The following MMP26 variants were observed in gnomAD, a reference collection of about 807,000 sequenced individuals.
MMP26 encodes the protein matrix metallopeptidase 26, also known as matrix metalloproteinase-26.
A neutral mutation model predicts 31.0 loss-of-function variants in MMP26; 33 were observed. The observed-to-expected ratio is 1.06, with a 90% CI of 0.81 to 1.42. The LOEUF (loss-of-function observed/expected upper bound fraction) is 1.42. Ranked by LOEUF, MMP26 falls within the 40% of genes most tolerant of loss-of-function variation. The probability of loss-of-function intolerance (pLI) is 0.00; values close to 1 mark genes in which losing one functional copy is unlikely to be tolerated. For synonymous variants in MMP26, 122 were observed against 114.9 expected (o/e 1.06, Z -0.40); for missense variants, 347 against 316.1 (o/e 1.10, Z -0.74).
At chr11:4,831,854 T>C (rs1364668358) in intron 2 of MMP26, among the ~76,000 whole-genome samples, 1 of 152,208 alleles carries the variant, frequency 6.6e-6, no homozygotes, top group African/African-American at 2.4e-5. Flanking sequence ...ACCTTCTTTC[T>C]AGCTAGAAAA....
At position 4,989,706 on chromosome 11, in the gene MMP26, C is replaced by T; in HGVS notation, c.158C>T (p.Thr53Ile). 1 of 1,613,852 alleles carries T rather than the reference C, an allele frequency of 6.2e-7. No homozygotes were observed. Among genetic ancestry groups the T allele is most frequent in the East Asian group, 2.2e-5 (1 of 44,860 alleles). Residue 53 changes from threonine to isoleucine, a missense_variant, in exon 4 of 8, where the codon ACA becomes ATA. Transcript: ENST00000380390. Reference protein sequence around the residue: ...KKESPLLTQETQTQLLQQFHR... With the variant: ...KKESPLLTQEIQTQLLQQFHR... ...GAGTCGCCACTCCTTACCCAGGAGA[C>T]ACAAACACAGCTCCTGCAACAATTC... is the stretch of plus-strand genomic sequence containing the variant.
At chr11:4,804,044 C>T (rs374884861) in intron 2 of MMP26, 2 of 1,613,858 alleles carry the variant, frequency 1.2e-6, no homozygotes, top group Non-Finnish European at 1.7e-6. Context: ...CCAGACTCCA[C>T]AGAAGAAAAG....
At chr11:4,963,312 A>G (rs7945219) in intron 2 of MMP26, among the ~76,000 whole-genome samples, 4,912 of 152,286 alleles carry the variant, frequency 0.032, 289 homozygotes, top group African/African-American at 0.11. Flanking sequence ...ATACTGCCCA[A>G]AGTAATTTAT....
At chr11:4,821,670 C>G (rs766268146) in intron 2 of MMP26, 4 of 1,614,046 alleles carry the variant, frequency 2.5e-6, no homozygotes, top group African/African-American at 1.3e-5. Context: ...TTTCTACTAC[C>G]CTTGGTGTCT....
chr11:4,756,560 A>C (rs1204628147), intron 1 of MMP26: 1 of 152,102 alleles, frequency 6.6e-6, no homozygotes, highest in African/African-American at 2.4e-5. Flanking sequence ...CCGGTTTTAC[A>C]AAAAAATTAA....
At chr11:4,861,070 T>C (rs1443560718) in intron 2 of MMP26, among the ~76,000 whole-genome samples, 1 of 149,666 alleles carries the variant, frequency 6.7e-6, no homozygotes, top group Non-Finnish European at 1.5e-5. Flanking sequence ...TATATATATA[T>C]ATATATCATA....
chr11:4,946,653 A>T (rs1333379002), intron 2 of MMP26: 15 of 1,590,824 alleles, frequency 9.4e-6, no homozygotes, highest in Non-Finnish European at 1.3e-5. Flanking sequence ...TTAAAGGAGA[A>T]TACTATCCCT....
At chr11:4,829,343 T>A (rs1849616641) in intron 2 of MMP26, among the ~76,000 whole-genome samples, 1 of 152,172 alleles carries the variant, frequency 6.6e-6, no homozygotes, top group African/African-American at 2.4e-5. Context: ...TCACATCACC[T>A]CTTGTATTAA....
intron 2 of MMP26, among the ~76,000 whole-genome samples, chr11:4,805,009 T>C (rs539670252): frequency 6.6e-6 from 1 of 151,768 alleles, no homozygotes; most frequent in East Asian, 1.9e-4. Flanking sequence ...TTCTTGAAAG[T>C]AGCATCTGCT....
rs368874364 is a variant in MMP26, at chr11:4,847,014, A to C, written c.-145+79673A>C. Among the ~76,000 whole-genome samples, 8 of 152,300 alleles carry C rather than the reference A, an allele frequency of 5.3e-5. No homozygotes were observed. In the East Asian group the frequency reaches 1.5e-3, roughly 29 times the overall value. ...ACCAGGGACTGGCTCCAGGCTCTGA[A>C]TTTGGCTCAGGTTTGCACCATGTAC... On this transcript the variant is annotated intron_variant, in intron 2 of 7. Coordinates refer to ENST00000380390, the MANE Select transcript of MMP26 (RefSeq NM_021801.5).
rs1849930680 is a variant in MMP26 at position 4,849,001 on chromosome 11, A to G, written c.-145+81660A>G. 2 of 1,614,114 alleles carry G rather than the reference A, an allele frequency of 1.2e-6. No individual in the cohort carries two copies. The highest frequency in any genetic ancestry group is 8.5e-7 in the Non-Finnish European group (1 of 1,180,006). ...TCAGACACACTAAGCAAGAAGAGGA[A>G]GAAGTGCATTGGGCGGTGCAGGGCG... is the stretch of plus-strand genomic sequence containing the variant. On this transcript the variant is annotated intron_variant, in intron 2 of 7. Coordinates refer to ENST00000380390, the MANE Select transcript of MMP26 (RefSeq NM_021801.5).
At chr11:4,818,283 C>T (rs886182571) in intron 2 of MMP26, among the ~76,000 whole-genome samples, 1 of 152,008 alleles carries the variant, frequency 6.6e-6, no homozygotes, top group Non-Finnish European at 1.5e-5. Flanking sequence ...CCATCATTAC[C>T]ATTTCTTCTA....
At chr11:4,799,158 T>A (rs973575430) in intron 2 of MMP26, among the ~76,000 whole-genome samples, 9 of 152,312 alleles carry the variant, frequency 5.9e-5, no homozygotes, top group Non-Finnish European at 8.8e-5. Flanking sequence ...GTCCATTGTT[T>A]TGCTTTAAGA....
chr11:4,982,688 A>G (rs1402860857), intron 2 of MMP26, among the ~76,000 whole-genome samples: 1 of 152,220 alleles, frequency 6.6e-6, no homozygotes, highest in Non-Finnish European at 1.5e-5. Flanking sequence ...CAGTATAAAT[A>G]CATATTTACA....
chr11:4,843,031 C>G (rs377645109), intron 2 of MMP26, among the ~76,000 whole-genome samples: 1 of 152,220 alleles, frequency 6.6e-6, no homozygotes, highest in African/African-American at 2.4e-5. Flanking sequence ...CCCCATGTCT[C>G]TCACCCAGGG....
intron 2 of MMP26, chr11:4,882,270 G>A (rs78644275): frequency 0.025 from 39,656 of 1,613,764 alleles, 617 homozygotes; most frequent in Non-Finnish European, 0.029. Context: ...GCCTTTGACC[G>A]CTTCGTGGCT....
chr11:4,860,490 CT>C (rs2133512595), intron 2 of MMP26: 1 of 471,074 alleles, frequency 2.1e-6, no homozygotes, highest in Admixed American at 2.3e-5. Context: ...ACCATGGGTT[CT>C]TGTCTGGCGT....
At chr11:4,721,926 G>A (rs1848018272) in intron 1 of MMP26, among the ~76,000 whole-genome samples, 1 of 152,156 alleles carries the variant, frequency 6.6e-6, no homozygotes, top group South Asian at 2.1e-4. Context: ...CAGTCTCCAG[G>A]CATCTCAGCA....
At chr11:4,753,387 T>C (rs533388220) in intron 1 of MMP26, among the ~76,000 whole-genome samples, 14 of 152,290 alleles carry the variant, frequency 9.2e-5, no homozygotes, top group Middle Eastern at 3.4e-3. Context: ...TCAATTTAAC[T>C]TCAATTTATT....
Sources: gnomAD v4.1 joint callset for allele counts (sites outside exome capture counted in the v4.1 genomes callset) on GRCh38, gnomAD v4.1.1 for gene constraint, MANE v1.5 for transcripts, NCBI Gene and HGNC (gene_info 2026-07-23, HGNC 2026-07-21) for gene names.